The following MEIS2 variants were observed in gnomAD, a reference collection of about 807,000 sequenced individuals.
MEIS2 encodes the protein Meis homeobox 2, also known as homeobox protein Meis2.
MEIS2 carries 9 observed loss-of-function variants against 58.6 expected under a neutral mutation model. The observed-to-expected ratio is 0.15, with a 90% CI of 0.09 to 0.27. The LOEUF is 0.27. Among genes scored for constraint, MEIS2 ranks in the 10% least tolerant of loss-of-function variants. The pLI, the probability that MEIS2 is intolerant of heterozygous loss-of-function variation, is 1.00. For missense variants in MEIS2, 427 were observed against 635.0 expected, an observed-to-expected ratio of 0.67 and a Z score of 3.52; for synonymous variants, 221 against 228.4, an observed-to-expected ratio of 0.97 and a Z score of 0.29.
chr15:37,039,402 A>G (rs1327256234), intron 7 of MEIS2, among the ~76,000 whole-genome samples: 1 of 152,216 alleles, frequency 6.6e-6, no homozygotes, highest in Non-Finnish European at 1.5e-5. Context: ...GGATTTTGTT[A>G]AAATCTCATT....
intron 8 of MEIS2, among the ~76,000 whole-genome samples, chr15:36,967,992 TG>T: frequency 6.6e-6 from 1 of 152,336 alleles, no homozygotes; most frequent in South Asian, 2.1e-4. Context: ...TGGAGGTACT[TG>T]TTAAGAGTGT....
At chr15:36,986,119 A>G (rs1019537944) in intron 8 of MEIS2, among the ~76,000 whole-genome samples, 1 of 152,190 alleles carries the variant, frequency 6.6e-6, no homozygotes, top group South Asian at 2.1e-4. Flanking sequence ...CTAGGTTTTC[A>G]CATAATTTTA....
intron 9 of MEIS2, among the ~76,000 whole-genome samples, chr15:36,939,248 C>T (rs1056573428): frequency 2.6e-5 from 4 of 152,170 alleles, no homozygotes; most frequent in African/African-American, 9.7e-5. Flanking sequence ...TTGAATTCAA[C>T]CCAACGAAAA....
chr15:37,029,184 T>TAGCCTTAAAAAC (rs1426351162), intron 8 of MEIS2, among the ~76,000 whole-genome samples: 6 of 152,288 alleles, frequency 3.9e-5, no homozygotes, highest in African/African-American at 1.2e-4. Flanking sequence ...GCGGCCCCAC[T>TAGCCTTAAAAAC]ATGCTGCATG....
chr15:36,962,291 AACCAGTT>A (rs1595819064), intron 8 of MEIS2, among the ~76,000 whole-genome samples: 1 of 152,342 alleles, frequency 6.6e-6, no homozygotes, highest in East Asian at 1.9e-4. Flanking sequence ...AAGGTGAGTT[AACCAGTT>A]ACCCATAGAG....
In MEIS2 at chr15:36,890,849, G is replaced by T. The variant is rs1031681594; in HGVS notation, c.*1324C>A. The T allele has an allele frequency of 2.0e-5, 3 of 152,114 alleles. No individual in the cohort carries two copies. The highest frequency in any genetic ancestry group is 2.9e-5 in the Non-Finnish European group (2 of 68,006). The allele number at this position is 152,114 out of a possible 1,614,324, so 9.4% of individuals were successfully genotyped here. On this transcript the variant is annotated 3_prime_UTR_variant, in exon 12 of 12. Coordinates refer to ENST00000561208, the MANE Select transcript of MEIS2 (RefSeq NM_170675.5). ...AGTTTCGTACCTTTAGAAGTTTTCTGCTGGTGGAACTTATAGGTCAAATAG... is the reference window on the plus strand; with the variant it reads ...AGTTTCGTACCTTTAGAAGTTTTCTTCTGGTGGAACTTATAGGTCAAATAG...
Position 37,094,511 on chromosome 15 carries a change from G to A in MEIS2, c.489+16C>T. ...AAATGGTTTAATCAACACGGGGAGC[G>A]TTATTTCCTGCTTACCTTTTCTAAC... On this transcript the variant is annotated intron_variant, in intron 5 of 11. Transcript: ENST00000561208. 2 of 1,611,392 alleles carry A rather than the reference G, an allele frequency of 1.2e-6. No homozygotes were observed. The highest frequency in any genetic ancestry group is 1.7e-6 in the Non-Finnish European group (2 of 1,178,378).
At chr15:37,072,570 G>T (rs1296192892) in intron 7 of MEIS2, among the ~76,000 whole-genome samples, 1 of 151,978 alleles carries the variant, frequency 6.6e-6, no homozygotes, top group Non-Finnish European at 1.5e-5. Context: ...ACAATATACT[G>T]CATCACACTT....
chr15:37,066,632 A>C (rs1889968083), intron 7 of MEIS2: 1 of 152,220 alleles, frequency 6.6e-6, no homozygotes, highest in African/African-American at 2.4e-5. Context: ...TGCAGACATA[A>C]CTTGAGTTTT....
chr15:37,045,059 C>T (rs1485862191), intron 7 of MEIS2, among the ~76,000 whole-genome samples: 1 of 152,178 alleles, frequency 6.6e-6, no homozygotes, highest in Non-Finnish European at 1.5e-5. Context: ...ACTAGGTTAT[C>T]ACCCACCCAG....
intron 8 of MEIS2, among the ~76,000 whole-genome samples, chr15:37,028,847 A>G (rs2061800947): frequency 6.6e-6 from 1 of 152,168 alleles, no homozygotes; most frequent in African/African-American, 2.4e-5. Flanking sequence ...ATGTGCCATT[A>G]GCTCTGAACC....
intron 7 of MEIS2, among the ~76,000 whole-genome samples, chr15:37,061,999 G>A (rs900156979): frequency 3.9e-5 from 6 of 152,120 alleles, no homozygotes; most frequent in Non-Finnish European, 8.8e-5. Context: ...GGAAATTATA[G>A]CTAGACCAGA....
At chr15:37,096,110 T>C in intron 3 of MEIS2, 179 bp downstream of exon 3, 1 of 633,026 alleles carries the variant, frequency 1.6e-6, no homozygotes, top group Non-Finnish European at 2.6e-6. Flanking sequence ...AACACCCATA[T>C]TTATCTCCAC....
chr15:36,949,951 C>T (rs1338014700), intron 9 of MEIS2, among the ~76,000 whole-genome samples: 2 of 152,058 alleles, frequency 1.3e-5, no homozygotes, highest in Admixed American at 1.3e-4. Context: ...ACTGGTAACT[C>T]CGTATGAGGA....
At chr15:36,957,673 A>C (rs981578792) in intron 8 of MEIS2, among the ~76,000 whole-genome samples, 5 of 152,246 alleles carry the variant, frequency 3.3e-5, no homozygotes, top group Admixed American at 6.5e-5. Flanking sequence ...ACTGGACTGC[A>C]AATCATTTGA....
intron 9 of MEIS2, among the ~76,000 whole-genome samples, chr15:36,929,732 T>C (rs1370353256): frequency 6.6e-6 from 1 of 152,202 alleles, no homozygotes; most frequent in African/African-American, 2.4e-5. Flanking sequence ...GGAACATTAG[T>C]GGGCAGACTG....
At chr15:36,986,196 A>T (rs1440942502) in intron 8 of MEIS2, among the ~76,000 whole-genome samples, 1 of 152,172 alleles carries the variant, frequency 6.6e-6, no homozygotes, top group East Asian at 1.9e-4. Flanking sequence ...CTTAGGTTTC[A>T]TACCTCTCCC....
At chr15:37,075,909 T>C (rs1891343199) in intron 7 of MEIS2, among the ~76,000 whole-genome samples, 1 of 151,982 alleles carries the variant, frequency 6.6e-6, no homozygotes, top group Non-Finnish European at 1.5e-5. Flanking sequence ...ATTTTTTTTT[T>C]CGAGACCTTG....
chr15:36,982,412 G>T (rs1382661196), intron 8 of MEIS2, among the ~76,000 whole-genome samples: 1 of 152,004 alleles, frequency 6.6e-6, no homozygotes, highest in African/African-American at 2.4e-5. Context: ...TTGTTTTTCT[G>T]TACTTGGCTT....
Sources: allele counts gnomAD v4.1 joint callset (sites outside exome capture counted in the v4.1 genomes callset), GRCh38; gene constraint gnomAD v4.1.1; transcripts MANE v1.5; gene names NCBI Gene and HGNC (gene_info 2026-07-23, HGNC 2026-07-21).